FSTL5: variants seen among roughly 807,000 people sequenced by gnomAD.
FSTL5 encodes the protein follistatin-related protein 5.
Under a neutral mutation model 89.1 loss-of-function variants are expected in FSTL5, and 62 were observed. The ratio of observed to expected loss-of-function variants is 0.70; its 90% CI spans 0.57 to 0.86. FSTL5 has a LOEUF of 0.86. Ranked by LOEUF, FSTL5 falls within the 40% of genes least tolerant of loss-of-function variation. The pLI is 0.00. For missense variants in FSTL5, 1,057 were observed against 1,001.6 expected (o/e 1.06, Z -0.75); for synonymous variants, 383 against 346.2 (o/e 1.11, Z -1.18).
At chr4:161,408,693 C>G (rs1731478881) in intron 15 of FSTL5, among the ~76,000 whole-genome samples, 1 of 152,086 alleles carries the variant, frequency 6.6e-6, no homozygotes, top group South Asian at 2.1e-4. Context: ...TAAAATAACT[C>G]AAGAGCTAAA....
chr4:161,618,920 T>C (rs1359344363), intron 7 of FSTL5, among the ~76,000 whole-genome samples: 1 of 152,200 alleles, frequency 6.6e-6, no homozygotes, highest in East Asian at 1.9e-4. Context: ...GGAGGCATCA[T>C]GATACCTGAC....
chr4:161,420,467 T>G (rs936921626), intron 15 of FSTL5, among the ~76,000 whole-genome samples: 1 of 152,150 alleles, frequency 6.6e-6, no homozygotes, highest in Non-Finnish European at 1.5e-5. Flanking sequence ...GTTGTTTTCT[T>G]TCCTCTCTTA....
At chr4:162,135,263 T>C (rs1732478894) in intron 1 of FSTL5, among the ~76,000 whole-genome samples, 1 of 152,100 alleles carries the variant, frequency 6.6e-6, no homozygotes, top group African/African-American at 2.4e-5. Context: ...CTCAATTTTA[T>C]TTATATTTAA....
At chr4:161,920,723 C>A in intron 3 of FSTL5, 71 bp from the exon 4 acceptor site, 1 of 1,429,990 alleles carries the variant, frequency 7.0e-7, no homozygotes, top group South Asian at 1.4e-5. Flanking sequence ...TTCAGAGTAT[C>A]AAGTGGAAAA....
At chr4:161,938,671 A>G (rs1457994281) in intron 3 of FSTL5, among the ~76,000 whole-genome samples, 1 of 152,108 alleles carries the variant, frequency 6.6e-6, no homozygotes, top group Non-Finnish European at 1.5e-5. Flanking sequence ...TGCATAGTTT[A>G]TTAAATTTGG....
Position 161,459,247 on chromosome 4 carries a change from A to G in FSTL5, c.1681T>C (p.Trp561Arg), listed in dbSNP as rs376588202. 6.2e-7 allele frequency: 1 copy of G among 1,613,164 alleles called. No homozygotes were observed. Among genetic ancestry groups the G allele is most frequent in the East Asian group, 2.2e-5 (1 of 44,796 alleles). Residue 561 changes from tryptophan (W) to arginine (R), a missense_variant, in exon 14 of 16, where the codon TGG becomes CGG. Trp to Arg is a moderately radical substitution (Grantham distance 101). Transcript: ENST00000306100. ...KSHDQVWVLSWGTLEKTSPTL... is the reference protein window; with the variant it reads ...KSHDQVWVLSRGTLEKTSPTL... ...GGTGATGTCTTCTCCAAGGTACCCC[A>G]GCTTAGCACCCAGACCTGATCATGT...
rs138000357 is a variant in FSTL5, at chr4:161,651,307, T to G, written c.894+5021A>C. 6.0e-3 allele frequency among the ~76,000 whole-genome samples: 895 copies of G among 150,126 alleles called. 9 individuals are homozygous for G. Among genetic ancestry groups the G allele is most frequent in the South Asian group, 0.045 (215 of 4,764 alleles). The stretch of plus-strand genomic sequence containing the variant: ...TTGCTAGTCAAGAGAAAAGATAGCA[T>G]GATTCCTAAACCTTCCTTGAATTGA... On this transcript the variant is annotated intron_variant, in intron 7 of 15. Transcript: ENST00000306100.
chr4:161,633,673 A>C (rs2126658804), intron 7 of FSTL5, among the ~76,000 whole-genome samples: 1 of 152,210 alleles, frequency 6.6e-6, no homozygotes, highest in Non-Finnish European at 1.5e-5. Context: ...AGTTAAATTA[A>C]GAGTATATCT....
chr4:161,683,942 T>C (rs1247195623), intron 6 of FSTL5, among the ~76,000 whole-genome samples: 1 of 152,194 alleles, frequency 6.6e-6, no homozygotes, highest in Admixed American at 6.6e-5. Flanking sequence ...TGTGTCATTC[T>C]TATGCCTTTG....
At chr4:162,022,580 T>C (rs1043699510) in intron 3 of FSTL5, among the ~76,000 whole-genome samples, 13 of 152,174 alleles carry the variant, frequency 8.5e-5, no homozygotes. Context: ...GACTCCTTTG[T>C]GTTCTAAGTC....
intron 5 of FSTL5, among the ~76,000 whole-genome samples, chr4:161,767,770 T>A (rs149652258): frequency 2.5e-4 from 38 of 151,574 alleles, no homozygotes; most frequent in African/African-American, 8.8e-4. Context: ...TCATTCTGAA[T>A]AGGATTCAGA....
chr4:162,073,276 G>T (rs1396149325), intron 2 of FSTL5, among the ~76,000 whole-genome samples: 1 of 151,348 alleles, frequency 6.6e-6, no homozygotes, highest in African/African-American at 2.4e-5. Context: ...ATTTTTATGG[G>T]TATGAACTCA....
chr4:161,739,337 G>C (rs939509547), intron 6 of FSTL5, among the ~76,000 whole-genome samples: 1 of 152,102 alleles, frequency 6.6e-6, no homozygotes, highest in African/African-American at 2.4e-5. Flanking sequence ...GAGATGCCTG[G>C]AAAAGATCCT....
chr4:161,406,548 T>C (rs1731384738), intron 15 of FSTL5, among the ~76,000 whole-genome samples: 1 of 152,180 alleles, frequency 6.6e-6, no homozygotes, highest in African/African-American at 2.4e-5. Flanking sequence ...TATGGTGTCA[T>C]TCAAGTCTCC....
At chr4:161,591,212 A>G (rs538449175) in intron 7 of FSTL5, among the ~76,000 whole-genome samples, 3 of 152,206 alleles carry the variant, frequency 2.0e-5, no homozygotes, top group Non-Finnish European at 2.9e-5. Flanking sequence ...CAGACACAAA[A>G]AGCCACAAAT....
intron 6 of FSTL5, among the ~76,000 whole-genome samples, chr4:161,718,949 C>G (rs540995890): frequency 6.6e-6 from 1 of 152,134 alleles, no homozygotes; most frequent in Non-Finnish European, 1.5e-5. Context: ...ACAGTTCTTG[C>G]TTTAAATGGG....
intron 6 of FSTL5, among the ~76,000 whole-genome samples, chr4:161,679,606 A>C (rs1737448890): frequency 1.3e-5 from 2 of 151,846 alleles, no homozygotes; most frequent in Non-Finnish European, 3.0e-5. Context: ...ACAAAAACAG[A>C]ATTATTGAAA....
intron 8 of FSTL5, among the ~76,000 whole-genome samples, chr4:161,570,350 A>G (rs4691771): frequency 0.48 from 72,702 of 151,956 alleles, 17,670 homozygotes; most frequent in Middle Eastern, 0.6. Context: ...TGGGCAGGGG[A>G]AACAGCCAAG....
chr4:161,972,663 AG>A (rs950227201), intron 3 of FSTL5, among the ~76,000 whole-genome samples: 2 of 152,194 alleles, frequency 1.3e-5, no homozygotes, highest in Admixed American at 1.3e-4. Flanking sequence ...TTGCAGTTTC[AG>A]ATAAAACCAC....
Sources: allele counts gnomAD v4.1 joint callset (sites outside exome capture counted in the v4.1 genomes callset), GRCh38; gene constraint gnomAD v4.1.1; transcripts MANE v1.5; gene names NCBI Gene and HGNC (gene_info 2026-07-23, HGNC 2026-07-21).